Variants in PCOLCE2 observed in about 807,000 individuals in gnomAD.
PCOLCE2 encodes the protein procollagen C-endopeptidase enhancer 2.
A neutral mutation model predicts 47.0 loss-of-function variants in PCOLCE2; 42 were observed. The ratio of observed to expected loss-of-function variants is 0.89; its 90% CI spans 0.70 to 1.16. The LOEUF (loss-of-function observed/expected upper bound fraction) is 1.16. PCOLCE2 is among the 50% of genes most tolerant of loss of function. The pLI is 0.00. For synonymous variants in PCOLCE2, 169 were observed against 191.7 expected, an observed-to-expected ratio of 0.88 and a Z score of 0.98; for missense variants, 500 against 526.1, an observed-to-expected ratio of 0.95 and a Z score of 0.49.
chr3:142,849,721 C>A (rs1169238683), intron 2 of PCOLCE2, among the ~76,000 whole-genome samples: 1 of 152,088 alleles, frequency 6.6e-6, no homozygotes, highest in Non-Finnish European at 1.5e-5. Flanking sequence ...GAATTCCATT[C>A]TGTAAAAACT....
At chr3:142,875,976 G>A (rs1578050362) in intron 2 of PCOLCE2, among the ~76,000 whole-genome samples, 2 of 152,224 alleles carry the variant, frequency 1.3e-5, no homozygotes, top group South Asian at 4.1e-4. Flanking sequence ...ACTTATGATG[G>A]GCAAGAAGCC....
intron 4 of PCOLCE2, among the ~76,000 whole-genome samples, chr3:142,840,750 TA>T (rs1434196370): frequency 1.3e-5 from 2 of 152,130 alleles, no homozygotes; most frequent in South Asian, 4.1e-4. Context: ...TCCAGGTTAT[TA>T]AAAAAATTGG....
rs1419664573 is a variant in PCOLCE2, at chr3:142,868,584, T to C, written c.192+19085A>G. 2.6e-5 allele frequency among the ~76,000 whole-genome samples: 4 copies of C among 152,138 alleles called. No homozygotes were observed. In the East Asian group the frequency reaches 7.7e-4, roughly 29 times the overall value. ...CTGCTTCACCCTAACTCATTCAGAT[T>C]ACCTGCTACCTGCTCCGCCCTGACT... On this transcript the variant is annotated intron_variant, in intron 2 of 8. Coordinates refer to ENST00000295992, the MANE Select transcript of PCOLCE2 (RefSeq NM_013363.4).
chr3:142,883,681 C>T (rs932526233), intron 2 of PCOLCE2, among the ~76,000 whole-genome samples: 6 of 149,022 alleles, frequency 4.0e-5, no homozygotes, highest in Admixed American at 1.3e-4. Flanking sequence ...AGCCTCCCAA[C>T]GTATGTCTAC....
chr3:142,887,156 A>AC (rs60000382), intron 2 of PCOLCE2: 43,452 of 151,434 alleles, frequency 0.29, 7,240 homozygotes, highest in African/African-American at 0.46. Flanking sequence ...TTAGATTCCC[A>AC]CCCCCCCATT....
intron 3 of PCOLCE2, among the ~76,000 whole-genome samples, chr3:142,845,649 G>A (rs1351721052): frequency 6.6e-6 from 1 of 152,126 alleles, no homozygotes; most frequent in African/African-American, 2.4e-5. Context: ...CTATAGAATA[G>A]AGGTTGACAG....
At chr3:142,874,066 T>C (rs1578049677) in intron 2 of PCOLCE2, among the ~76,000 whole-genome samples, 1 of 152,054 alleles carries the variant, frequency 6.6e-6, no homozygotes, top group Non-Finnish European at 1.5e-5. Flanking sequence ...TCATGAGAGC[T>C]GATAGTTTGG....
chr3:142,823,867 G>A (rs1160838025), intron 6 of PCOLCE2, among the ~76,000 whole-genome samples: 1 of 152,164 alleles, frequency 6.6e-6, no homozygotes, highest in Admixed American at 6.5e-5. Context: ...ATGTAGCCCT[G>A]TTCTCTTCTT....
At chr3:142,821,435 G>C (rs959271388) in intron 7 of PCOLCE2, among the ~76,000 whole-genome samples, 5 of 152,154 alleles carry the variant, frequency 3.3e-5, no homozygotes, top group African/African-American at 1.2e-4. Flanking sequence ...CACGCTAAAA[G>C]ATTGCGCGAT....
intron 2 of PCOLCE2, among the ~76,000 whole-genome samples, chr3:142,860,936 C>A (rs1933170966): frequency 6.6e-6 from 1 of 152,218 alleles, no homozygotes; most frequent in African/African-American, 2.4e-5. Flanking sequence ...ATTCAGGAAC[C>A]CCCATTCCCA....
intron 2 of PCOLCE2, among the ~76,000 whole-genome samples, chr3:142,872,547 G>A (rs1933410696): frequency 6.6e-6 from 1 of 152,112 alleles, no homozygotes; most frequent in Non-Finnish European, 1.5e-5. Context: ...CACGTGCCTA[G>A]AACAGTCCAT....
At chr3:142,878,716 G>A (rs889497395) in intron 2 of PCOLCE2, among the ~76,000 whole-genome samples, 11 of 152,062 alleles carry the variant, frequency 7.2e-5, no homozygotes, top group African/African-American at 2.7e-4. Context: ...TTATCCAGGC[G>A]TGATGGTGGG....
At chr3:142,887,224 TTTTTA>T (rs1933734356) in intron 2 of PCOLCE2, 1 of 152,784 alleles carries the variant, frequency 6.5e-6, no homozygotes, top group South Asian at 2.1e-4. Flanking sequence ...AAGTGGGCTT[TTTTTA>T]TTTTTTTTCT....
chr3:142,860,560 C>A lies in PCOLCE2; in HGVS notation c.193-12088G>T, dbSNP rs185014688. On this transcript the variant is annotated intron_variant, in intron 2 of 8. Transcript: ENST00000295992. ...AGTAGCTGGGATTACAGGCGCCCAC[C>A]ACCACGCCCAGCTAATTTTGTACTT... Among the ~76,000 whole-genome samples, 40 of 152,240 alleles carry A rather than the reference C, an allele frequency of 2.6e-4. No individual in the cohort carries two copies. The East Asian group carries it at 7.3e-3, about 28-fold the overall frequency.
At chr3:142,880,084 A>G (rs1933582334) in intron 2 of PCOLCE2, among the ~76,000 whole-genome samples, 1 of 150,550 alleles carries the variant, frequency 6.6e-6, no homozygotes, top group Non-Finnish European at 1.5e-5. Context: ...CTCTTATCCC[A>G]TTCATATAGC....
intron 2 of PCOLCE2, among the ~76,000 whole-genome samples, chr3:142,883,360 C>T (rs1212288450): frequency 6.6e-6 from 1 of 152,120 alleles, no homozygotes; most frequent in Non-Finnish European, 1.5e-5. Context: ...ATACCATATG[C>T]AGCCAAAGTC....
intron 2 of PCOLCE2, among the ~76,000 whole-genome samples, chr3:142,855,595 T>C (rs1933045754): frequency 6.6e-6 from 1 of 152,166 alleles, no homozygotes; most frequent in Non-Finnish European, 1.5e-5. Flanking sequence ...ACCTTGTTTC[T>C]TCTCAGGTCA....
At chr3:142,840,266 T>C (rs1317780110) in intron 4 of PCOLCE2, among the ~76,000 whole-genome samples, 1 of 152,198 alleles carries the variant, frequency 6.6e-6, no homozygotes, top group Non-Finnish European at 1.5e-5. Flanking sequence ...GTACCAATAA[T>C]AGTGTCCTAA....
At chr3:142,864,026 C>G (rs1933232579) in intron 2 of PCOLCE2, 1 of 152,120 alleles carries the variant, frequency 6.6e-6, no homozygotes, top group Admixed American at 6.5e-5. Flanking sequence ...AAACAAGACA[C>G]TAGTAGACAA....
Sources: gnomAD v4.1 joint callset for allele counts (sites outside exome capture counted in the v4.1 genomes callset) on GRCh38, gnomAD v4.1.1 for gene constraint, MANE v1.5 for transcripts, NCBI Gene and HGNC (gene_info 2026-07-23, HGNC 2026-07-21) for gene names.